Variants in DOCK3 observed in about 807,000 individuals in gnomAD.
The protein encoded by DOCK3 is dedicator of cytokinesis 3, also known as dedicator of cytokinesis protein 3.
Under a neutral mutation model 265.6 loss-of-function variants are expected in DOCK3, and 60 were observed. The ratio of observed to expected loss-of-function variants is 0.23; its 90% CI spans 0.18 to 0.28. The LOEUF is 0.28. DOCK3 is among the 10% of genes least tolerant of loss of function. The pLI, the probability that DOCK3 is intolerant of heterozygous loss-of-function variation, is 1.00. For missense variants in DOCK3, 1,981 were observed against 2,594.3 expected, an observed-to-expected ratio of 0.76 and a Z score of 5.14; for synonymous variants, 881 against 938.0, an observed-to-expected ratio of 0.94 and a Z score of 1.11.
At chr3:51,305,703 AGT>A (rs528554544) in intron 27 of DOCK3, among the ~76,000 whole-genome samples, 2 of 94,900 alleles carry the variant, frequency 2.1e-5, no homozygotes, top group Non-Finnish European at 2.2e-5. Context: ...TAATTCCCTC[AGT>A]GTGTGTGTGT....
intron 3 of DOCK3, chr3:50,863,458 G>T (rs376261171): frequency 3.8e-6 from 2 of 519,898 alleles, no homozygotes; most frequent in South Asian, 2.8e-5. Flanking sequence ...TTCATAGAAT[G>T]TTACAAGGGT....
intron 12 of DOCK3, among the ~76,000 whole-genome samples, chr3:51,204,786 A>G (rs1233308165): frequency 6.6e-6 from 1 of 151,870 alleles, no homozygotes; most frequent in East Asian, 1.9e-4. Context: ...ACAATGATAG[A>G]CTGGATTAAG....
At chr3:50,867,373 T>G (rs2047193829) in intron 3 of DOCK3, among the ~76,000 whole-genome samples, 1 of 152,188 alleles carries the variant, frequency 6.6e-6, no homozygotes, top group Non-Finnish European at 1.5e-5. Context: ...TCTGCAAGGA[T>G]AACTTGACTT....
At chr3:50,986,766 A>G (rs1408102408) in intron 5 of DOCK3, among the ~76,000 whole-genome samples, 4 of 152,256 alleles carry the variant, frequency 2.6e-5, no homozygotes, top group Non-Finnish European at 4.4e-5. Context: ...TAAAAACAAT[A>G]TACTTTTACA....
intron 1 of DOCK3, among the ~76,000 whole-genome samples, chr3:50,758,205 A>AAAAAAAAT (rs2040305419): frequency 6.7e-6 from 1 of 149,792 alleles, no homozygotes; most frequent in Non-Finnish European, 1.5e-5. Flanking sequence ...AAGAAAAAAA[A>AAAAAAAAT]AAAGAAAATT....
chr3:50,841,717 T>TAAC lies in DOCK3; in HGVS notation c.162+4_162+5insCAA. 1.8e-6 allele frequency: 2 copies of TAAC among 1,089,360 alleles called. No individual in the cohort carries two copies. Among genetic ancestry groups the TAAC allele is most frequent in the Non-Finnish European group, 2.4e-6 (2 of 841,890 alleles). The allele number at this position is 1,089,360 out of a possible 1,614,324, so 67.5% of individuals were successfully genotyped here. The stretch of plus-strand genomic sequence containing the variant: ...TCAACAAAGAAGCCAAATGTGAAGG[T>TAAC]AATGAAAAGTTTATTGTTACCTTTT... On this transcript the variant is annotated splice_region_variant and intron_variant, in intron 3 of 52. Coordinates refer to ENST00000266037, the MANE Select transcript of DOCK3 (RefSeq NM_004947.5).
At position 51,383,071 on chromosome 3, in the gene DOCK3, C is replaced by T. The variant is rs1266264246; in HGVS notation, c.*1512C>T. On this transcript the variant is annotated 3_prime_UTR_variant, in exon 53 of 53. Transcript: ENST00000266037. ...GTTCCTCTTCTGCTGGCCTGTATGA[C>T]CTCCACAGCCAGGCCCTGGGCCCAA... is the stretch of plus-strand genomic sequence containing the variant. The T allele has an allele frequency of 6.6e-6, 1 of 152,168 alleles. No individual in the cohort carries two copies. Among genetic ancestry groups the T allele is most frequent in the Non-Finnish European group, 1.5e-5 (1 of 68,046 alleles). 9.4% of individuals were successfully genotyped at this position (152,168 alleles called of 1,614,324 possible).
At chr3:50,945,927 A>G (rs1295835425) in intron 5 of DOCK3, among the ~76,000 whole-genome samples, 1 of 151,824 alleles carries the variant, frequency 6.6e-6, no homozygotes, top group African/African-American at 2.4e-5. Flanking sequence ...ATGTTGTTTA[A>G]ATGATATAAA....
chr3:50,970,933 A>ATC (rs2077201226), intron 5 of DOCK3, among the ~76,000 whole-genome samples: 1 of 72,994 alleles, frequency 1.4e-5, no homozygotes, highest in Non-Finnish European at 2.6e-5. Flanking sequence ...ATATATATAT[A>ATC]TATATATATA....
chr3:50,791,997 G>A (rs1353995678), intron 2 of DOCK3, among the ~76,000 whole-genome samples: 2 of 152,050 alleles, frequency 1.3e-5, no homozygotes, highest in African/African-American at 4.8e-5. Flanking sequence ...TGTGAAGAAT[G>A]TCATTGTAGT....
chr3:51,101,417 G>A (rs2083087532), intron 9 of DOCK3, among the ~76,000 whole-genome samples: 2 of 152,164 alleles, frequency 1.3e-5, no homozygotes, highest in Admixed American at 1.3e-4. Context: ...ACCGCGCCCG[G>A]CCTCGGCTTA....
At position 51,198,117 on chromosome 3, in the gene DOCK3, G is replaced by C. The variant is rs140558839; in HGVS notation, c.1038-10657G>C. ...TCAGTCCTGGCACTACTGGGCTGCA[G>C]GACAGCAAGCAGTCTGCCAAAGGCT... On this transcript the variant is annotated intron_variant, in intron 12 of 52. Coordinates refer to ENST00000266037, the MANE Select transcript of DOCK3 (RefSeq NM_004947.5). 1.7e-3 allele frequency among the ~76,000 whole-genome samples: 265 copies of C among 152,322 alleles called. 2 individuals carry two copies. Among genetic ancestry groups the C allele is most frequent in the Non-Finnish European group, 3.3e-3 (226 of 68,026 alleles).
At chr3:51,065,925 C>G (rs2081576102) in intron 6 of DOCK3, among the ~76,000 whole-genome samples, 1 of 152,144 alleles carries the variant, frequency 6.6e-6, no homozygotes, top group East Asian at 1.9e-4. Context: ...AAGAAAGTAA[C>G]CTGTCCCCAG....
chr3:51,262,243 G>T (rs918485103), intron 23 of DOCK3, among the ~76,000 whole-genome samples: 1 of 152,172 alleles, frequency 6.6e-6, no homozygotes, highest in Non-Finnish European at 1.5e-5. Context: ...TTGCTGTTCT[G>T]CAGCCTCTGC....
chr3:50,742,572 G>T (rs1333084249), intron 1 of DOCK3, among the ~76,000 whole-genome samples: 1 of 151,812 alleles, frequency 6.6e-6, no homozygotes, highest in Non-Finnish European at 1.5e-5. Context: ...GAGCCGATGC[G>T]ATCAACTGGA....
chr3:50,803,060 T>TTATG (rs759511336), intron 2 of DOCK3, among the ~76,000 whole-genome samples: 34 of 150,078 alleles, frequency 2.3e-4, no homozygotes, highest in African/African-American at 8.3e-4. Flanking sequence ...ATTTATGTAT[T>TTATG]TATTTATTTA....
chr3:51,211,106 G>T (rs1192032443), intron 13 of DOCK3, among the ~76,000 whole-genome samples: 1 of 152,024 alleles, frequency 6.6e-6, no homozygotes, highest in Non-Finnish European at 1.5e-5. Flanking sequence ...CCATATCTTG[G>T]GCTGACATTA....
chr3:50,881,647 T>C (rs887075038), intron 3 of DOCK3, among the ~76,000 whole-genome samples: 3 of 152,298 alleles, frequency 2.0e-5, no homozygotes, highest in Admixed American at 6.5e-5. Flanking sequence ...CATTCCATGC[T>C]CATGGGTAGG....
In DOCK3 at chr3:51,356,468, G is replaced by T; in HGVS notation, c.4478G>T (p.Trp1493Leu). 6.2e-7 allele frequency: 1 copy of T among 1,613,396 alleles called. No homozygotes were observed. ...LTHSLPGISR[W>L]FEVERRELVE... Reference sequence around the variant, plus strand: ...CACAGCTTGCCTGGCATCTCTCGGTGGTTTGAAGTGGAGAGGAGGGAACTG... The same window carrying T: ...CACAGCTTGCCTGGCATCTCTCGGTTGTTTGAAGTGGAGAGGAGGGAACTG... The change falls in exon 43 of 53, where the codon TGG becomes TTG. Residue 1493 changes from tryptophan (W) to leucine (L), a missense_variant. Physicochemically the swap from Trp to Leu is moderately conservative, Grantham distance 61. Coordinates refer to ENST00000266037, the MANE Select transcript of DOCK3 (RefSeq NM_004947.5).
Sources: gnomAD v4.1 joint callset for allele counts (sites outside exome capture counted in the v4.1 genomes callset) on GRCh38, gnomAD v4.1.1 for gene constraint, MANE v1.5 for transcripts, NCBI Gene and HGNC (gene_info 2026-07-23, HGNC 2026-07-21) for gene names.